NEMP2: variants seen among roughly 807,000 people sequenced by gnomAD.
The protein encoded by NEMP2 is UPF0571 transmembrane protein.
Under a neutral mutation model 54.2 loss-of-function variants are expected in NEMP2, and 53 were observed. The ratio of observed to expected loss-of-function variants is 0.98; its 90% CI spans 0.78 to 1.23. The LOEUF (loss-of-function observed/expected upper bound fraction) is 1.23, where lower values mean the gene tolerates loss of function less well. NEMP2 is among the 50% of genes most tolerant of loss of function. NEMP2 has a pLI of 0.00. For synonymous variants in NEMP2, 197 were observed against 190.3 expected (o/e 1.04, Z -0.29); for missense variants, 455 against 511.3 (o/e 0.89, Z 1.06).
At chr2:190,568,821 TCAAAACAAAA>T in the NEMP2 span, among the ~76,000 whole-genome samples, 1 of 151,790 alleles carries the variant, frequency 6.6e-6, no homozygotes, top group African/African-American at 2.4e-5. The surrounding 1 kb of genome is among the most constrained non-coding windows in gnomAD (Gnocchi z 4.7). Context: ...AAACTCCATC[TCAAAACAAAA>T]CAAAACAAAA....
chr2:190,606,882 C>G, the NEMP2 span, among the ~76,000 whole-genome samples: 4 of 151,926 alleles, frequency 2.6e-5, no homozygotes, highest in East Asian at 5.8e-4. Context: ...AATTGTGGAG[C>G]AAATGACCTC....
chr2:190,611,847 G>GT, the NEMP2 span, among the ~76,000 whole-genome samples: 1 of 152,116 alleles, frequency 6.6e-6, no homozygotes, highest in East Asian at 1.9e-4. The surrounding 1 kb of genome is among the most constrained non-coding windows in gnomAD (Gnocchi z 5.4). Flanking sequence ...GAAAACCTTG[G>GT]TAAGTTTGGG....
the NEMP2 span, among the ~76,000 whole-genome samples, chr2:190,466,494 CTCTTG>C: frequency 6.6e-6 from 1 of 152,150 alleles, no homozygotes; most frequent in Admixed American, 6.5e-5. Flanking sequence ...AATGCGAATG[CTCTTG>C]TCTTTTGGAA....
the NEMP2 span, among the ~76,000 whole-genome samples, chr2:190,487,895 T>C: frequency 6.7e-6 from 1 of 149,160 alleles, no homozygotes; most frequent in African/African-American, 2.4e-5. This position sits in a 1 kb window ranked among gnomAD's most constrained non-coding sequence, Gnocchi z 5.5. Flanking sequence ...AGTTACCTAG[T>C]CAAAATAATT....
the NEMP2 span, among the ~76,000 whole-genome samples, chr2:190,540,520 T>G: frequency 6.6e-6 from 1 of 152,148 alleles, no homozygotes; most frequent in Non-Finnish European, 1.5e-5. Context: ...GTTACTCCTG[T>G]GCTCAAGCAA....
At chr2:190,631,261 G>A in the NEMP2 span, among the ~76,000 whole-genome samples, 1 of 152,158 alleles carries the variant, frequency 6.6e-6, no homozygotes, top group Non-Finnish European at 1.5e-5. Flanking sequence ...ACAGCAGGAT[G>A]ATCACACAAC....
chr2:190,538,851 T>G (rs114742426), upstream of NEMP2, among the ~76,000 whole-genome samples: 786 of 152,322 alleles, frequency 5.2e-3, 7 homozygotes, highest in Middle Eastern at 0.02. The surrounding 1 kb of genome is among the most constrained non-coding windows in gnomAD (Gnocchi z 4.1). Context: ...CCTGATATAT[T>G]CTGGTTATTA....
the NEMP2 span, among the ~76,000 whole-genome samples, chr2:190,603,193 G>A: frequency 2.6e-5 from 4 of 152,114 alleles, no homozygotes; most frequent in African/African-American, 9.7e-5. Flanking sequence ...GGTATGGAAT[G>A]TGGGGTGTGG....
chr2:190,436,470 G>A, the NEMP2 span: 1 of 1,614,106 alleles, frequency 6.2e-7, no homozygotes, highest in Non-Finnish European at 8.5e-7. This position sits in a 1 kb window ranked among gnomAD's most constrained non-coding sequence, Gnocchi z 5.3. Context: ...TATTCAACCT[G>A]GGCATTGGAT....
the NEMP2 span, among the ~76,000 whole-genome samples, chr2:190,557,348 G>A: frequency 2.6e-5 from 4 of 152,108 alleles, no homozygotes; most frequent in Non-Finnish European, 1.5e-5. Context: ...AGACTTAAAC[G>A]TAAGACCTAA....
the NEMP2 span, among the ~76,000 whole-genome samples, chr2:190,492,153 G>A: frequency 1.3e-5 from 2 of 152,078 alleles, no homozygotes; most frequent in African/African-American, 2.4e-5. This position sits in a 1 kb window ranked among gnomAD's most constrained non-coding sequence, Gnocchi z 5.2. Context: ...AGAAGTTTAG[G>A]ATTATGTTAA....
At position 190,511,107 on chromosome 2, in the gene NEMP2, G is replaced by C. The variant is rs1005645923; in HGVS notation, c.954-570C>G. Among the ~76,000 whole-genome samples, 3 of 152,064 alleles carry C rather than the reference G, an allele frequency of 2.0e-5. No individual in the cohort carries two copies. In the East Asian group the frequency reaches 5.8e-4, roughly 29 times the overall value. On this transcript the variant is annotated intron_variant, in intron 7 of 8. Coordinates refer to ENST00000409150, the MANE Select transcript of NEMP2 (RefSeq NM_001142645.2). ...TCAATTTCTGATACAGATGTTAATT[G>C]TATTTTTCTTCCTCGGTGATTTCTA...
chr2:190,477,804 A>C, the NEMP2 span, among the ~76,000 whole-genome samples: 1 of 152,206 alleles, frequency 6.6e-6, no homozygotes, highest in African/African-American at 2.4e-5. Flanking sequence ...GCTTACCCTA[A>C]GGAGAATAAT....
the NEMP2 span, among the ~76,000 whole-genome samples, chr2:190,443,782 G>A: frequency 6.6e-6 from 1 of 152,144 alleles, no homozygotes; most frequent in African/African-American, 2.4e-5. The surrounding 1 kb of genome is among the most constrained non-coding windows in gnomAD (Gnocchi z 4.2). Flanking sequence ...TCTAGTCTGG[G>A]TGTGGCTCAC....
chr2:190,613,686 T>G, the NEMP2 span, among the ~76,000 whole-genome samples: 1 of 152,110 alleles, frequency 6.6e-6, no homozygotes, highest in Non-Finnish European at 1.5e-5. Flanking sequence ...CCTCCTGGGT[T>G]CAAGCAATTC....
chr2:190,425,748 T>G, the NEMP2 span, among the ~76,000 whole-genome samples: 1 of 152,212 alleles, frequency 6.6e-6, no homozygotes, highest in Non-Finnish European at 1.5e-5. The surrounding 1 kb of genome is among the most constrained non-coding windows in gnomAD (Gnocchi z 4.3). Flanking sequence ...AAATTCTCTT[T>G]TCTAATATTT....
At chr2:190,556,121 T>C in the NEMP2 span, among the ~76,000 whole-genome samples, 1 of 152,166 alleles carries the variant, frequency 6.6e-6, no homozygotes, top group Non-Finnish European at 1.5e-5. Context: ...TCAAGAAGCT[T>C]ATGCACCATG....
Position 190,523,194 on chromosome 2 carries a change from A to G in NEMP2, c.213+2069T>C, listed in dbSNP as rs1303273905. 6.6e-6 allele frequency among the ~76,000 whole-genome samples: 1 copy of G among 152,250 alleles called. No homozygotes were observed. The highest frequency in any genetic ancestry group is 1.5e-5 in the Non-Finnish European group (1 of 68,046). ...ACAAACTATATTTTGAATGAATAAT[A>G]TAACCAGACTGAAGGGGGAGTGGAT... is the stretch of plus-strand genomic sequence containing the variant. On this transcript the variant is annotated intron_variant, in intron 2 of 8. Transcript: ENST00000409150. The surrounding 1 kb of genome is among the most constrained non-coding windows in gnomAD (Gnocchi z 5.3).
chr2:190,492,317 A>G, the NEMP2 span, among the ~76,000 whole-genome samples: 2 of 152,242 alleles, frequency 1.3e-5, no homozygotes, highest in Non-Finnish European at 2.9e-5. The surrounding 1 kb of genome is among the most constrained non-coding windows in gnomAD (Gnocchi z 5.2). Flanking sequence ...ATTCATTGCA[A>G]AGAGATCATT....
Sources: gnomAD v4.1 joint callset for allele counts (sites outside exome capture counted in the v4.1 genomes callset) on GRCh38, gnomAD v4.1.1 for gene constraint, Gnocchi (gnomAD v3.1) non-coding constraint, MANE v1.5 for transcripts, NCBI Gene and HGNC (gene_info 2026-07-23, HGNC 2026-07-21) for gene names.